LEF1: variants seen among roughly 807,000 people sequenced by gnomAD.
LEF1 encodes lymphoid enhancer-binding factor 1.
A neutral mutation model predicts 51.2 loss-of-function variants in LEF1; 14 were observed. That is an observed-to-expected ratio of 0.27 (90% confidence interval 0.18 to 0.43). The LOEUF is 0.43. Ranked by LOEUF, LEF1 falls within the 20% of genes least tolerant of loss-of-function variation. The pLI is 1.00. For synonymous variants in LEF1, 185 were observed against 183.2 expected (o/e 1.01, Z -0.08); for missense variants, 386 against 512.0 (o/e 0.75, Z 2.37).
At chr4:108,159,345 A>C (rs74463214) in intron 3 of LEF1, among the ~76,000 whole-genome samples, 4,523 of 152,322 alleles carry the variant, frequency 0.03, 214 homozygotes, top group African/African-American at 0.1. Context: ...CACTTTCTAA[A>C]ACTTATTCTC....
chr4:108,069,619 A>G (rs1173588204), intron 9 of LEF1, among the ~76,000 whole-genome samples: 4 of 152,220 alleles, frequency 2.6e-5, no homozygotes, highest in Admixed American at 2.6e-4. Flanking sequence ...TAAGAAGTGT[A>G]AAATAATACA....
intron 2 of LEF1, 141 bp from the exon 3 acceptor site, chr4:108,163,842 T>A: frequency 2.4e-6 from 2 of 838,016 alleles, no homozygotes; most frequent in Non-Finnish European, 3.6e-6. Flanking sequence ...AACTGGATTA[T>A]TATGCTCTAT....
At chr4:108,101,315 C>T (rs1240336502) in intron 3 of LEF1, among the ~76,000 whole-genome samples, 2 of 152,124 alleles carry the variant, frequency 1.3e-5, no homozygotes, top group Non-Finnish European at 1.5e-5. Flanking sequence ...TGTATCAGAG[C>T]GCAGTTGTCC....
intron 11 of LEF1, among the ~76,000 whole-genome samples, chr4:108,056,509 A>ACCTGC (rs1737311347): frequency 6.6e-6 from 1 of 152,212 alleles, no homozygotes; most frequent in Non-Finnish European, 1.5e-5. Context: ...GGATGTGAAA[A>ACCTGC]ACTGCAGTCC....
At chr4:108,072,729 C>T (rs980824663) in intron 8 of LEF1, 1 of 152,154 alleles carries the variant, frequency 6.6e-6, no homozygotes, top group African/African-American at 2.4e-5. Context: ...TTAGACAAAT[C>T]GAGCCTGAGA....
intron 3 of LEF1, among the ~76,000 whole-genome samples, chr4:108,138,190 T>C (rs1272768026): frequency 6.6e-6 from 1 of 152,150 alleles, no homozygotes; most frequent in African/African-American, 2.4e-5. Context: ...ATTTCGAATA[T>C]CAAATATGTA....
intron 9 of LEF1, among the ~76,000 whole-genome samples, chr4:108,069,390 C>T (rs927325089): frequency 6.6e-6 from 1 of 152,178 alleles, no homozygotes; most frequent in Non-Finnish European, 1.5e-5. Flanking sequence ...TTTGCCCTAT[C>T]AAGACTACAT....
chr4:108,106,851 C>T (rs1321167157), intron 3 of LEF1, among the ~76,000 whole-genome samples: 1 of 152,178 alleles, frequency 6.6e-6, no homozygotes, highest in East Asian at 1.9e-4. Flanking sequence ...GGGGAGTTTA[C>T]ACATATTTAC....
At chr4:108,092,648 A>G (rs1043190497) in intron 3 of LEF1, among the ~76,000 whole-genome samples, 1 of 151,738 alleles carries the variant, frequency 6.6e-6, no homozygotes, top group East Asian at 1.9e-4. Context: ...AATGTGGTAT[A>G]TATTTTCTTG....
chr4:108,148,394 C>T (rs568157559), intron 3 of LEF1, among the ~76,000 whole-genome samples: 3 of 152,170 alleles, frequency 2.0e-5, no homozygotes, highest in African/African-American at 7.2e-5. Context: ...CCACATGGAA[C>T]TGAAAGCAGG....
intron 3 of LEF1, among the ~76,000 whole-genome samples, chr4:108,102,797 T>C (rs1490320691): frequency 6.6e-6 from 1 of 152,188 alleles, no homozygotes; most frequent in East Asian, 1.9e-4. Context: ...GGTATAGCTA[T>C]GAATGAGCTC....
At chr4:108,150,194 T>G (rs1266557218) in intron 3 of LEF1, among the ~76,000 whole-genome samples, 2 of 152,222 alleles carry the variant, frequency 1.3e-5, no homozygotes, top group Non-Finnish European at 2.9e-5. Flanking sequence ...TTTTAATTGC[T>G]TGCTGTGCAA....
intron 3 of LEF1, among the ~76,000 whole-genome samples, chr4:108,162,914 G>GTTA (rs936953988): frequency 6.6e-6 from 1 of 151,826 alleles, no homozygotes; most frequent in African/African-American, 2.4e-5. Flanking sequence ...TCTTTATAAT[G>GTTA]TTATGCATTT....
chr4:108,147,070 G>A (rs1352525414), intron 3 of LEF1, among the ~76,000 whole-genome samples: 6 of 152,130 alleles, frequency 3.9e-5, no homozygotes, highest in African/African-American at 1.4e-4. Context: ...TGAGGCTGCA[G>A]TGAGCTTTGA....
At chr4:108,091,572 T>C (rs1336539416) in intron 3 of LEF1, among the ~76,000 whole-genome samples, 6 of 152,100 alleles carry the variant, frequency 3.9e-5, no homozygotes, top group Non-Finnish European at 7.4e-5. Flanking sequence ...ATAGCTCATA[T>C]AGCTTTTTTG....
chr4:108,057,643 A>G (rs1255221504), intron 11 of LEF1, among the ~76,000 whole-genome samples: 5 of 152,036 alleles, frequency 3.3e-5, no homozygotes, highest in Non-Finnish European at 7.4e-5. Flanking sequence ...GCTTCACAGG[A>G]CCCAGGAGCC....
intron 3 of LEF1, among the ~76,000 whole-genome samples, chr4:108,108,908 G>A (rs1219150405): frequency 6.6e-6 from 1 of 152,158 alleles, no homozygotes; most frequent in African/African-American, 2.4e-5. Context: ...TGACTTATGT[G>A]TGTATTTCAT....
intron 3 of LEF1, among the ~76,000 whole-genome samples, chr4:108,140,940 T>A (rs1304782845): frequency 2.0e-5 from 3 of 152,186 alleles, no homozygotes; most frequent in African/African-American, 7.2e-5. Context: ...CCAAAAAGCC[T>A]CAATCAAGGT....
At chr4:108,093,918 G>A (rs1421003956) in intron 3 of LEF1, among the ~76,000 whole-genome samples, 1 of 152,144 alleles carries the variant, frequency 6.6e-6, no homozygotes, top group African/African-American at 2.4e-5. Flanking sequence ...TGCTTACTGT[G>A]TGCTAAGCAC....
Sources: gnomAD v4.1 joint callset for allele counts (sites outside exome capture counted in the v4.1 genomes callset) on GRCh38, gnomAD v4.1.1 for gene constraint, MANE v1.5 for transcripts, NCBI Gene and HGNC (gene_info 2026-07-23, HGNC 2026-07-21) for gene names.